CNOT4: variants seen among roughly 807,000 people sequenced by gnomAD.
The protein encoded by CNOT4 is CCR4-associated factor 4.
In CNOT4, 8 loss-of-function variants were observed where a neutral mutation model predicts 73.8. That is an observed-to-expected ratio of 0.11 (90% CI 0.06 to 0.20). CNOT4 has a LOEUF of 0.20. Ranked by LOEUF, CNOT4 falls within the 10% of genes least tolerant of loss-of-function variation. CNOT4 has a pLI of 1.00. For synonymous variants in CNOT4, 293 were observed against 321.1 expected, an observed-to-expected ratio of 0.91 and a Z score of 0.94; for missense variants, 564 against 883.4, an observed-to-expected ratio of 0.64 and a Z score of 4.58.
Position 135,443,360 on chromosome 7 carries a change from A to C in CNOT4, c.-92-4937T>G, listed in dbSNP as rs150990505. On this transcript the variant is annotated intron_variant, in intron 1 of 11. Transcript: ENST00000541284. ...ACAGGGCAAGATCCTGTCACAAAAA[A>C]AAAAAAAAGCCTTTTCATATACATG... Among the ~76,000 whole-genome samples the C allele has an allele frequency of 7.1e-3, 1,087 of 152,184 alleles. 8 individuals carry two copies. The highest frequency in any genetic ancestry group is 0.027 in the Middle Eastern group (8 of 294).
intron 1 of CNOT4, among the ~76,000 whole-genome samples, chr7:135,503,553 A>C (rs1804145464): frequency 1.3e-5 from 2 of 152,226 alleles, no homozygotes; most frequent in African/African-American, 4.8e-5. Flanking sequence ...ATGGTGGTTC[A>C]TACCTACTTT....
intron 10 of CNOT4, among the ~76,000 whole-genome samples, chr7:135,392,933 A>G (rs182257150): frequency 7.4e-6 from 1 of 135,918 alleles, no homozygotes; most frequent in African/African-American, 2.6e-5. Flanking sequence ...TCCTATTACA[A>G]TAATACTGTG....
At chr7:135,457,575 A>G (rs1202515973) in intron 1 of CNOT4, among the ~76,000 whole-genome samples, 1 of 152,094 alleles carries the variant, frequency 6.6e-6, no homozygotes, top group Non-Finnish European at 1.5e-5. Context: ...GATAAGTTCT[A>G]TTTTAATTTT....
chr7:135,437,725 T>C (rs1023659626), intron 2 of CNOT4, among the ~76,000 whole-genome samples: 1 of 152,226 alleles, frequency 6.6e-6, no homozygotes, highest in African/African-American at 2.4e-5. Context: ...TTTTAACTCT[T>C]TTTAGTAAAC....
chr7:135,456,873 C>G lies in CNOT4; in HGVS notation c.-92-18450G>C, dbSNP rs762766842. Among the ~76,000 whole-genome samples, 71 of 151,954 alleles carry G rather than the reference C, an allele frequency of 4.7e-4. 2 individuals carry two copies. The highest frequency in any genetic ancestry group is 9.0e-4 in the Non-Finnish European group (61 of 67,972). Reference sequence around the variant, plus strand: ...GGCAATCACTGGGGGTCTTGGAACGCATCACCCATGGATAAGGGAGGACTA... The same window carrying G: ...GGCAATCACTGGGGGTCTTGGAACGGATCACCCATGGATAAGGGAGGACTA... On this transcript the variant is annotated intron_variant, in intron 1 of 11. Transcript: ENST00000541284.
intron 1 of CNOT4, among the ~76,000 whole-genome samples, chr7:135,500,714 T>C (rs1196322095): frequency 6.6e-6 from 1 of 152,180 alleles, no homozygotes; most frequent in Non-Finnish European, 1.5e-5. Context: ...TTCATCAGAA[T>C]TTTCTTTAGC....
chr7:135,408,423 G>A (rs1454719494), intron 7 of CNOT4, among the ~76,000 whole-genome samples: 5 of 152,088 alleles, frequency 3.3e-5, no homozygotes, highest in Admixed American at 6.5e-5. Flanking sequence ...GCATTCGCAA[G>A]AAGAAAAAAG....
chr7:135,466,593 G>C (rs2129486533), intron 1 of CNOT4, among the ~76,000 whole-genome samples: 1 of 151,988 alleles, frequency 6.6e-6, no homozygotes, highest in Admixed American at 6.5e-5. Context: ...TGTTTACAAT[G>C]TCTACAGTAG....
chr7:135,369,400 G>A (rs760293693), intron 10 of CNOT4, among the ~76,000 whole-genome samples: 2 of 152,074 alleles, frequency 1.3e-5, no homozygotes, highest in East Asian at 1.9e-4. Flanking sequence ...CACCCTTACC[G>A]GGAAGCAGTC....
intron 2 of CNOT4, among the ~76,000 whole-genome samples, chr7:135,434,790 C>T (rs548888911): frequency 1.4e-3 from 219 of 152,258 alleles, no homozygotes; most frequent in African/African-American, 5.1e-3. Flanking sequence ...ATGTCTAAAA[C>T]TGAGTTTCTG....
intron 1 of CNOT4, among the ~76,000 whole-genome samples, chr7:135,491,273 TAACA>T (rs1052937447): frequency 3.5e-4 from 54 of 152,236 alleles, no homozygotes; most frequent in African/African-American, 1.3e-3. Context: ...GCCACCAAAC[TAACA>T]GAGATTGCTA....
chr7:135,452,561 A>C (rs1034858373), intron 1 of CNOT4, among the ~76,000 whole-genome samples: 12 of 152,238 alleles, frequency 7.9e-5, no homozygotes, highest in Admixed American at 2.6e-4. Flanking sequence ...CAAGAGTGAA[A>C]CTCCATCTCA....
chr7:135,386,395 A>T (rs1236713640), intron 10 of CNOT4: 1 of 152,108 alleles, frequency 6.6e-6, no homozygotes, highest in Non-Finnish European at 1.5e-5. Flanking sequence ...ATGATGCATC[A>T]TGCAGGAATT....
At chr7:135,413,183 G>T (rs1305317969) in intron 6 of CNOT4, among the ~76,000 whole-genome samples, 1 of 151,874 alleles carries the variant, frequency 6.6e-6, no homozygotes, top group Non-Finnish European at 1.5e-5. Flanking sequence ...CTAAGTTCTG[G>T]TTGTAAATTC....
At chr7:135,385,851 G>A (rs1302280138) in intron 10 of CNOT4, among the ~76,000 whole-genome samples, 2 of 152,082 alleles carry the variant, frequency 1.3e-5, no homozygotes, top group Admixed American at 6.5e-5. Flanking sequence ...TGATGATAGG[G>A]TCTGTATTTT....
intron 1 of CNOT4, among the ~76,000 whole-genome samples, chr7:135,443,370 C>T (rs927670554): frequency 6.6e-6 from 1 of 150,540 alleles, no homozygotes; most frequent in Non-Finnish European, 1.5e-5. Context: ...AAAAAAAAAG[C>T]CTTTTCATAT....
intron 3 of CNOT4, among the ~76,000 whole-genome samples, chr7:135,420,986 T>C (rs1386497230): frequency 6.6e-6 from 1 of 152,192 alleles, no homozygotes; most frequent in Non-Finnish European, 1.5e-5. Flanking sequence ...CTGAGTATCA[T>C]GTAACTAACG....
chr7:135,419,373 A>G (rs1005153418), intron 3 of CNOT4, among the ~76,000 whole-genome samples: 7 of 152,166 alleles, frequency 4.6e-5, no homozygotes, highest in African/African-American at 1.7e-4. Flanking sequence ...CCTTCTTTTG[A>G]GTTTTCGAGT....
At chr7:135,485,735 G>T (rs1802678137) in intron 1 of CNOT4, among the ~76,000 whole-genome samples, 1 of 152,188 alleles carries the variant, frequency 6.6e-6, no homozygotes, top group Middle Eastern at 3.4e-3. Flanking sequence ...GACAAGAAGG[G>T]GGAAGAGTTA....
Sources: gnomAD v4.1 joint callset for allele counts (sites outside exome capture counted in the v4.1 genomes callset) on GRCh38, gnomAD v4.1.1 for gene constraint, MANE v1.5 for transcripts, NCBI Gene and HGNC (gene_info 2026-07-23, HGNC 2026-07-21) for gene names.